Variants in PTPRD observed in about 807,000 individuals in gnomAD.
The protein encoded by PTPRD is protein tyrosine phosphatase receptor type D.
PTPRD carries 34 observed loss-of-function variants against 214.5 expected under a neutral mutation model. The observed-to-expected ratio is 0.16, with a 90% CI of 0.12 to 0.21. The LOEUF (loss-of-function observed/expected upper bound fraction) is 0.21, where lower values mean the gene tolerates loss of function less well. Among genes scored for constraint, PTPRD ranks in the 10% least tolerant of loss-of-function variants. The probability of loss-of-function intolerance (pLI) is 1.00; values close to 1 mark genes in which losing one functional copy is unlikely to be tolerated. For synonymous variants in PTPRD, 1,128 were observed against 845.7 expected (o/e 1.33, Z -5.79); for missense variants, 2,545 against 2,398.7 (o/e 1.06, Z -1.27).
In PTPRD at chr9:10,234,563, A is replaced by T. The variant is rs532849629; in HGVS notation, c.-545+106400T>A. On this transcript the variant is annotated intron_variant, in intron 3 of 45. Transcript: ENST00000381196. Reference sequence around the variant, plus strand: ...TAAGAAATTTAACAACCAAAAATATAAAACAAGGAACAATTAAGAATTATT... The same window carrying T: ...TAAGAAATTTAACAACCAAAAATATTAAACAAGGAACAATTAAGAATTATT... Among the ~76,000 whole-genome samples, 4 of 152,134 alleles carry T rather than the reference A, an allele frequency of 2.6e-5. No individual in the cohort carries two copies. The East Asian group carries it at 7.8e-4, about 30-fold the overall frequency.
intron 14 of PTPRD, among the ~76,000 whole-genome samples, chr9:8,624,822 T>C (rs2095960885): frequency 6.6e-6 from 1 of 151,836 alleles, no homozygotes; most frequent in South Asian, 2.1e-4. Context: ...TCACTCTGTC[T>C]TTGTAGTTCT....
At chr9:9,964,049 G>GCCA (rs2094521856) in intron 4 of PTPRD, among the ~76,000 whole-genome samples, 1 of 89,016 alleles carries the variant, frequency 1.1e-5, no homozygotes, top group Non-Finnish European at 2.6e-5. Flanking sequence ...GCCAGACAGA[G>GCCA]GCAGAGGCAG....
intron 2 of PTPRD, among the ~76,000 whole-genome samples, chr9:10,603,901 C>A (rs960176217): frequency 1.3e-5 from 2 of 151,812 alleles, no homozygotes; most frequent in Admixed American, 6.6e-5. Context: ...TACATATGAG[C>A]TGCAGATTAT....
intron 9 of PTPRD, among the ~76,000 whole-genome samples, chr9:9,259,421 C>G (rs2099979124): frequency 6.6e-6 from 1 of 151,752 alleles, no homozygotes; most frequent in African/African-American, 2.4e-5. Context: ...TGTCTTTGTA[C>G]CAGCCCTCCC....
At chr9:9,708,651 C>G (rs1035711184) in intron 7 of PTPRD, among the ~76,000 whole-genome samples, 1 of 151,826 alleles carries the variant, frequency 6.6e-6, no homozygotes. Context: ...AACTGTTTTA[C>G]TTTTACAGAC....
chr9:8,530,592 C>A (rs1363194061), intron 14 of PTPRD, among the ~76,000 whole-genome samples: 1 of 152,098 alleles, frequency 6.6e-6, no homozygotes, highest in Non-Finnish European at 1.5e-5. Context: ...TGCTCCCTTG[C>A]AATCATGCTA....
At chr9:8,468,041 C>A (rs749763388) in intron 31 of PTPRD, among the ~76,000 whole-genome samples, 1 of 151,930 alleles carries the variant, frequency 6.6e-6, no homozygotes, top group Non-Finnish European at 1.5e-5. Context: ...AGTTAATAGT[C>A]GCAATTCATC....
intron 3 of PTPRD, among the ~76,000 whole-genome samples, chr9:10,190,931 T>C (rs1046910598): frequency 1.6e-4 from 24 of 152,184 alleles, no homozygotes; most frequent in African/African-American, 5.8e-4. Flanking sequence ...TTAACTATTG[T>C]TACTGGGAAT....
At chr9:8,437,350 GT>G in intron 34 of PTPRD, 1 of 829,134 alleles carries the variant, frequency 1.2e-6, no homozygotes, top group Non-Finnish European at 1.8e-6. Context: ...AATGCTGCAA[GT>G]TTTTACAGAA....
At chr9:9,677,673 C>G (rs1284074452) in intron 7 of PTPRD, among the ~76,000 whole-genome samples, 1 of 151,972 alleles carries the variant, frequency 6.6e-6, no homozygotes, top group Admixed American at 6.6e-5. Context: ...CAGGGATGCC[C>G]TCTCTCACCA....
intron 8 of PTPRD, among the ~76,000 whole-genome samples, chr9:9,455,351 C>T (rs966444534): frequency 6.6e-6 from 1 of 151,436 alleles, no homozygotes; most frequent in Non-Finnish European, 1.5e-5. Flanking sequence ...ATTATGCACA[C>T]ATACAGTGAT....
intron 8 of PTPRD, among the ~76,000 whole-genome samples, chr9:9,489,330 T>C (rs912887057): frequency 6.6e-6 from 1 of 152,274 alleles, no homozygotes; most frequent in Admixed American, 6.5e-5. Context: ...AGTTACTACA[T>C]TATTAGATTC....
chr9:9,111,279 C>G (rs1293942030), intron 10 of PTPRD, among the ~76,000 whole-genome samples: 1 of 137,768 alleles, frequency 7.3e-6, no homozygotes, highest in African/African-American at 2.7e-5. Flanking sequence ...GATAGCTTCT[C>G]TCAGCTCTTA....
chr9:9,770,140 G>A (rs959573909), intron 5 of PTPRD, among the ~76,000 whole-genome samples: 1 of 152,072 alleles, frequency 6.6e-6, no homozygotes, highest in African/African-American at 2.4e-5. Flanking sequence ...GAGATTGCTG[G>A]GTCAAATGGT....
chr9:8,757,804 T>C (rs947302715), intron 11 of PTPRD, among the ~76,000 whole-genome samples: 1 of 152,082 alleles, frequency 6.6e-6, no homozygotes, highest in South Asian at 2.1e-4. Flanking sequence ...TCCAAAAAAC[T>C]TATTCAAATT....
intron 2 of PTPRD, among the ~76,000 whole-genome samples, chr9:10,609,688 G>A (rs1001909247): frequency 1.3e-5 from 2 of 151,990 alleles, no homozygotes; most frequent in African/African-American, 2.4e-5. Context: ...ATTCCATAAA[G>A]AATAAAGCAA....
At chr9:9,999,437 C>CA (rs2096254847) in intron 4 of PTPRD, among the ~76,000 whole-genome samples, 2 of 152,168 alleles carry the variant, frequency 1.3e-5, no homozygotes, top group African/African-American at 4.8e-5. Flanking sequence ...CCTTCCCTCT[C>CA]AAAATTTGCC....
intron 14 of PTPRD, among the ~76,000 whole-genome samples, chr9:8,543,529 T>G (rs958719622): frequency 2.0e-5 from 3 of 152,190 alleles, no homozygotes; most frequent in Non-Finnish European, 4.4e-5. Flanking sequence ...ATATAACCAA[T>G]GCTATTTAAG....
At chr9:9,213,214 A>G (rs1298890390) in intron 9 of PTPRD, among the ~76,000 whole-genome samples, 4 of 152,124 alleles carry the variant, frequency 2.6e-5, no homozygotes, top group African/African-American at 4.8e-5. Context: ...TTGACTTTAC[A>G]TCTCTTTAGC....
Sources: gnomAD v4.1 joint callset for allele counts (sites outside exome capture counted in the v4.1 genomes callset) on GRCh38, gnomAD v4.1.1 for gene constraint, MANE v1.5 for transcripts, NCBI Gene and HGNC (gene_info 2026-07-23, HGNC 2026-07-21) for gene names.